The following EBF2 variants were observed in gnomAD, a reference collection of about 807,000 sequenced individuals.
EBF2 encodes transcription factor COE2.
Under a neutral mutation model 72.8 loss-of-function variants are expected in EBF2, and 21 were observed. The observed-to-expected ratio is 0.29, with a 90% CI of 0.20 to 0.42. EBF2 has a LOEUF of 0.42. Ranked by LOEUF, EBF2 falls within the 10% of genes least tolerant of loss-of-function variation. EBF2 has a pLI of 1.00. For synonymous variants in EBF2, 299 were observed against 274.2 expected (o/e 1.09, Z -0.89); for missense variants, 637 against 731.2 (o/e 0.87, Z 1.49).
At position 25,843,793 on chromosome 8, in the gene EBF2, A is replaced by G. The variant is rs1252963585; in HGVS notation, c.*816T>C. On this transcript the variant is annotated 3_prime_UTR_variant, in exon 16 of 16. Transcript: ENST00000520164. ...GCATTAGGGTGTTCTGTGGGAATCT[A>G]CATGTTCTTGCCCTTGGGTCAATAA... is the stretch of plus-strand genomic sequence containing the variant. The G allele has an allele frequency of 6.6e-6, 1 of 152,312 alleles. No individual in the cohort carries two copies. The highest frequency in any genetic ancestry group is 2.4e-5 in the African/African-American group (1 of 41,544). The allele number at this position is 152,312 out of a possible 1,614,324, so 9.4% of individuals were successfully genotyped here.
At chr8:25,885,422 G>T (rs191420042) in intron 10 of EBF2, among the ~76,000 whole-genome samples, 1 of 151,938 alleles carries the variant, frequency 6.6e-6, no homozygotes, top group Non-Finnish European at 1.5e-5. Context: ...CTTAACCCTT[G>T]GTACCCACCA....
intron 7 of EBF2, among the ~76,000 whole-genome samples, chr8:25,903,391 G>T (rs1358881974): frequency 6.6e-6 from 1 of 152,032 alleles, no homozygotes; most frequent in African/African-American, 2.4e-5. Flanking sequence ...GTTAGACAGG[G>T]GAGGAATAAA....
intron 6 of EBF2, among the ~76,000 whole-genome samples, chr8:25,914,832 G>C (rs895922599): frequency 6.6e-6 from 1 of 152,180 alleles, no homozygotes; most frequent in Non-Finnish European, 1.5e-5. Flanking sequence ...AAGAGGTATA[G>C]AATCTTTAAT....
chr8:26,043,585 A>G (rs1563217999), intron 1 of EBF2, among the ~76,000 whole-genome samples: 1 of 152,198 alleles, frequency 6.6e-6, no homozygotes, highest in Non-Finnish European at 1.5e-5. Flanking sequence ...CCCGGGCCAC[A>G]GGAGGGAGGG....
At chr8:25,859,379 G>T (rs987970146) in intron 13 of EBF2, among the ~76,000 whole-genome samples, 11 of 152,158 alleles carry the variant, frequency 7.2e-5, no homozygotes, top group Non-Finnish European at 1.3e-4. Context: ...TTTTAGAAAC[G>T]TCAGTTCCAA....
intron 6 of EBF2, among the ~76,000 whole-genome samples, chr8:25,998,761 C>T (rs1477253391): frequency 3.3e-5 from 5 of 152,126 alleles, no homozygotes; most frequent in Non-Finnish European, 5.9e-5. Flanking sequence ...AAAGAAATAA[C>T]TCAAATTATC....
At chr8:25,898,363 G>A (rs1158301774) in intron 7 of EBF2, among the ~76,000 whole-genome samples, 2 of 151,808 alleles carry the variant, frequency 1.3e-5, no homozygotes, top group Non-Finnish European at 2.9e-5. Flanking sequence ...AGAGCTCTCC[G>A]TTGGTGTATT....
At chr8:25,899,756 G>C (rs1254596719) in intron 7 of EBF2, among the ~76,000 whole-genome samples, 1 of 152,118 alleles carries the variant, frequency 6.6e-6, no homozygotes, top group Non-Finnish European at 1.5e-5. Flanking sequence ...GTGTGTACGA[G>C]GTGTCTTTGT....
At chr8:26,011,055 T>G (rs2117233856) in intron 6 of EBF2, among the ~76,000 whole-genome samples, 1 of 152,182 alleles carries the variant, frequency 6.6e-6, no homozygotes, top group African/African-American at 2.4e-5. Context: ...CAGCAAAAGT[T>G]AATAACTCCA....
chr8:25,850,816 C>CA (rs1172162474), intron 14 of EBF2, 55 bp from the exon 15 acceptor site: 1 of 1,505,708 alleles, frequency 6.6e-7, no homozygotes, highest in Non-Finnish European at 8.9e-7. Context: ...CTTCAGTTCA[C>CA]ACATTTGGCA....
At chr8:26,014,131 G>C (rs1441096566) in intron 6 of EBF2, among the ~76,000 whole-genome samples, 1 of 152,016 alleles carries the variant, frequency 6.6e-6, no homozygotes, top group East Asian at 1.9e-4. Flanking sequence ...ATTTGATAAG[G>C]CATATATGGA....
Position 25,889,813 on chromosome 8 carries a change from G to A in EBF2, c.690C>T (p.Asn230=). The change falls in exon 8 of 16, where the codon AAC becomes AAT. Residue 230 remains asparagine, a synonymous_variant. Coordinates refer to ENST00000520164, the MANE Select transcript of EBF2 (RefSeq NM_022659.4). ...GCTTGGAGTTGTTATGAACAAACATGTTGTCAGAAACAGCCAGGACGTGTC... is the reference window on the plus strand; with the variant it reads ...GCTTGGAGTTGTTATGAACAAACATATTGTCAGAAACAGCCAGGACGTGTC... The part of the protein sequence containing the change: ...VDGHVLAVSD[N]MFVHNNSKHG... 1.9e-6 allele frequency: 3 copies of A among 1,614,018 alleles called. No homozygotes were observed. The highest frequency in any genetic ancestry group is 2.5e-6 in the Non-Finnish European group (3 of 1,179,952).
chr8:25,872,441 T>G (rs1802455807), intron 10 of EBF2, among the ~76,000 whole-genome samples: 1 of 152,122 alleles, frequency 6.6e-6, no homozygotes, highest in Non-Finnish European at 1.5e-5. Context: ...ATGGAATCTG[T>G]AAATGGTCAT....
At position 25,879,198 on chromosome 8, in the gene EBF2, C is replaced by G. The variant is rs140429781; in HGVS notation, c.1009+7557G>C. Among the ~76,000 whole-genome samples, 5 of 152,150 alleles carry G rather than the reference C, an allele frequency of 3.3e-5. No individual in the cohort carries two copies. The East Asian group carries it at 9.7e-4, about 29-fold the overall frequency. On this transcript the variant is annotated intron_variant, in intron 10 of 15. Transcript: ENST00000520164. ...ATATCATGCAGACTATTTTAAAGCT[C>G]CTTTAAAACCCATATCACAGATGCC...
chr8:25,849,322 A>T (rs1009016971), intron 15 of EBF2, among the ~76,000 whole-genome samples: 3 of 152,304 alleles, frequency 2.0e-5, no homozygotes, highest in Non-Finnish European at 1.5e-5. Context: ...CAGGAACCTA[A>T]CGTACCTCCC....
chr8:25,900,629 G>A (rs1195470540), intron 7 of EBF2, among the ~76,000 whole-genome samples: 1 of 151,980 alleles, frequency 6.6e-6, no homozygotes, highest in Non-Finnish European at 1.5e-5. Flanking sequence ...AGTAATTTAG[G>A]GGGTAAATTT....
At chr8:26,027,290 A>G (rs56807004) in intron 6 of EBF2, among the ~76,000 whole-genome samples, 3 of 152,206 alleles carry the variant, frequency 2.0e-5, no homozygotes, top group Non-Finnish European at 4.4e-5. Flanking sequence ...AGATCCAAAC[A>G]TATGCTTCAG....
At chr8:25,879,747 T>A (rs1802577605) in intron 10 of EBF2, among the ~76,000 whole-genome samples, 1 of 152,192 alleles carries the variant, frequency 6.6e-6, no homozygotes, top group Non-Finnish European at 1.5e-5. Flanking sequence ...ATATCTCCAC[T>A]CTTTCATGGC....
chr8:26,043,404 G>C (rs1805642193), intron 1 of EBF2, among the ~76,000 whole-genome samples: 1 of 152,264 alleles, frequency 6.6e-6, no homozygotes, highest in African/African-American at 2.4e-5. Context: ...TCCCGGGAAG[G>C]AAGGAAAGCG....
Sources: gnomAD v4.1 joint callset for allele counts (sites outside exome capture counted in the v4.1 genomes callset) on GRCh38, gnomAD v4.1.1 for gene constraint, MANE v1.5 for transcripts, NCBI Gene and HGNC (gene_info 2026-07-23, HGNC 2026-07-21) for gene names.